UNC13C: variants seen among roughly 807,000 people sequenced by gnomAD.
UNC13C encodes the protein unc-13 homolog C.
A neutral mutation model predicts 245.4 loss-of-function variants in UNC13C; 174 were observed. The ratio of observed to expected loss-of-function variants is 0.71; its 90% CI spans 0.63 to 0.80. The LOEUF (loss-of-function observed/expected upper bound fraction) is 0.80. Ranked by LOEUF, UNC13C falls within the 30% of genes least tolerant of loss-of-function variation. The pLI is 0.00. For synonymous variants in UNC13C, 992 were observed against 895.1 expected, an observed-to-expected ratio of 1.11 and a Z score of -1.93; for missense variants, 2,829 against 2,602.9, an observed-to-expected ratio of 1.09 and a Z score of -1.89.
chr15:54,616,393 T>A (rs111949043), intron 30 of UNC13C, among the ~76,000 whole-genome samples: 1 of 111,356 alleles, frequency 9.0e-6, no homozygotes, highest in Non-Finnish European at 2.0e-5. Context: ...ACACCACACA[T>A]GTTTGTGGTA....
chr15:54,576,829 T>A (rs968060098), intron 30 of UNC13C, among the ~76,000 whole-genome samples: 4 of 152,222 alleles, frequency 2.6e-5, no homozygotes, highest in Non-Finnish European at 5.9e-5. Flanking sequence ...TAAGCCCTAG[T>A]AGGACAGGCA....
At chr15:54,418,477 C>T (rs2040566760) in intron 19 of UNC13C, among the ~76,000 whole-genome samples, 1 of 152,142 alleles carries the variant, frequency 6.6e-6, no homozygotes, top group Non-Finnish European at 1.5e-5. Context: ...GCTTGTTCTG[C>T]ATGTTTCTTC....
At chr15:54,531,336 G>A (rs1407325136) in intron 25 of UNC13C, among the ~76,000 whole-genome samples, 1 of 152,086 alleles carries the variant, frequency 6.6e-6, no homozygotes, top group Non-Finnish European at 1.5e-5. Context: ...TCACAGTGTA[G>A]GATTTCCAAA....
intron 13 of UNC13C, among the ~76,000 whole-genome samples, chr15:54,317,252 T>G (rs1042451866): frequency 6.6e-6 from 1 of 151,954 alleles, no homozygotes; most frequent in Non-Finnish European, 1.5e-5. Context: ...ATAACATATG[T>G]TAGCACTAAT....
intron 2 of UNC13C, among the ~76,000 whole-genome samples, chr15:54,030,498 A>G (rs1237325372): frequency 6.6e-6 from 1 of 152,192 alleles, no homozygotes; most frequent in Non-Finnish European, 1.5e-5. Context: ...AATTATTGTT[A>G]GTAGTAGTAG....
intron 7 of UNC13C, among the ~76,000 whole-genome samples, chr15:54,238,831 T>A (rs1240502405): frequency 6.6e-5 from 10 of 152,176 alleles, no homozygotes; most frequent in Admixed American, 4.6e-4. Context: ...AAGTAGGCTG[T>A]AATTATTTAG....
intron 17 of UNC13C, among the ~76,000 whole-genome samples, chr15:54,363,680 T>A (rs28502735): frequency 6.6e-6 from 1 of 151,956 alleles, no homozygotes; most frequent in African/African-American, 2.4e-5. Context: ...ATTGGAGGGG[T>A]GAGACTGGGA....
chr15:53,996,077 G>T (rs1192441985), intron 1 of UNC13C, among the ~76,000 whole-genome samples: 1 of 152,214 alleles, frequency 6.6e-6, no homozygotes, highest in African/African-American at 2.4e-5. Context: ...GACTGAAGAT[G>T]TGAGCAAAAG....
At chr15:53,885,406 G>C in the UNC13C span, among the ~76,000 whole-genome samples, 4 of 152,336 alleles carry the variant, frequency 2.6e-5, no homozygotes, top group Non-Finnish European at 4.4e-5. Flanking sequence ...GAGGGGTTCT[G>C]TTCCATACCT....
chr15:54,624,284 T>G (rs919634876), intron 32 of UNC13C, among the ~76,000 whole-genome samples: 2 of 152,212 alleles, frequency 1.3e-5, no homozygotes, highest in African/African-American at 4.8e-5. Context: ...GTAAGTGCTA[T>G]GACTAGCTGC....
intron 31 of UNC13C, among the ~76,000 whole-genome samples, chr15:54,622,825 T>C (rs1338574909): frequency 6.6e-6 from 1 of 152,150 alleles, no homozygotes; most frequent in Non-Finnish European, 1.5e-5. Context: ...TTGTTGGTTT[T>C]ACATTGTAAA....
At chr15:54,308,755 A>G (rs2037789273) in intron 13 of UNC13C, among the ~76,000 whole-genome samples, 1 of 151,784 alleles carries the variant, frequency 6.6e-6, no homozygotes, top group South Asian at 2.1e-4. Context: ...AGATGATCAT[A>G]TGGTATTTTT....
intron 2 of UNC13C, among the ~76,000 whole-genome samples, chr15:54,059,987 C>A (rs1414801556): frequency 9.2e-5 from 14 of 152,112 alleles, no homozygotes; most frequent in Admixed American, 6.6e-5. Context: ...TAAAGACTTA[C>A]ATGTTAGACC....
At chr15:54,534,415 T>C (rs1895898382) in intron 26 of UNC13C, among the ~76,000 whole-genome samples, 1 of 151,902 alleles carries the variant, frequency 6.6e-6, no homozygotes, top group Non-Finnish European at 1.5e-5. Context: ...TGAAAGAATA[T>C]AAAAGCAAAA....
At chr15:54,303,695 T>C (rs988108343) in intron 13 of UNC13C, among the ~76,000 whole-genome samples, 2 of 151,530 alleles carry the variant, frequency 1.3e-5, no homozygotes, top group African/African-American at 4.9e-5. Context: ...TCCCATGACA[T>C]GGTCTCAGGA....
chr15:54,385,306 AG>A (rs2039813554), intron 17 of UNC13C, among the ~76,000 whole-genome samples: 2 of 152,304 alleles, frequency 1.3e-5, no homozygotes, highest in Admixed American at 1.3e-4. Context: ...GTGTTCATCA[AG>A]GGAACAACAG....
intron 8 of UNC13C, among the ~76,000 whole-genome samples, chr15:54,257,733 T>C (rs763905120): frequency 6.6e-6 from 1 of 152,212 alleles, no homozygotes; most frequent in South Asian, 2.1e-4. Flanking sequence ...TCCTTTGTTG[T>C]TTGCGAAAAA....
chr15:54,088,706 C>G (rs1899390361), intron 2 of UNC13C, among the ~76,000 whole-genome samples: 1 of 152,134 alleles, frequency 6.6e-6, no homozygotes, highest in Non-Finnish European at 1.5e-5. Context: ...CATGAGTGCT[C>G]TCTGTCTGTT....
chr15:54,248,672 T>A (rs968170600), intron 7 of UNC13C, among the ~76,000 whole-genome samples: 20 of 152,196 alleles, frequency 1.3e-4, no homozygotes, highest in African/African-American at 4.3e-4. Context: ...ATTAGGATCT[T>A]CCACTTGAGT....
Sources: gnomAD v4.1 joint callset for allele counts (sites outside exome capture counted in the v4.1 genomes callset) on GRCh38, gnomAD v4.1.1 for gene constraint, MANE v1.5 for transcripts, NCBI Gene and HGNC (gene_info 2026-07-23, HGNC 2026-07-21) for gene names.